The following FAM120C variants were observed in gnomAD, a reference collection of about 807,000 sequenced individuals.
FAM120C encodes constitutive coactivator of PPAR-gamma-like protein 2.
A neutral mutation model predicts 71.2 loss-of-function variants in FAM120C; 14 were observed. The ratio of observed to expected loss-of-function variants is 0.20; its 90% CI spans 0.13 to 0.31. FAM120C has a LOEUF of 0.31. Among genes scored for constraint, FAM120C ranks in the 10% least tolerant of loss-of-function variants. The pLI is 1.00. For missense variants in FAM120C, 500 were observed against 879.0 expected, an observed-to-expected ratio of 0.57 and a Z score of 5.45; for synonymous variants, 354 against 353.2, an observed-to-expected ratio of 1.00 and a Z score of -0.03.
intron 1 of FAM120C, among the ~76,000 whole-genome samples, chrX:54,178,672 CA>C (rs2067331295): frequency 9.0e-6 from 1 of 111,395 alleles, no homozygotes; most frequent in Non-Finnish European, 1.9e-5. Context: ...GATTATTTTC[CA>C]ACGACTAGAG....
chrX:54,125,645 A>G (rs1490602434), intron 9 of FAM120C, among the ~76,000 whole-genome samples: 1 of 112,989 alleles, frequency 8.9e-6, no homozygotes, highest in African/African-American at 3.2e-5. Context: ...AAGTCTTACA[A>G]TCAGGTTCAG....
At chrX:54,171,535 CTTTT>C (rs782050649) in intron 1 of FAM120C, 16 of 111,282 alleles carry the variant, frequency 1.4e-4, no homozygotes, top group African/African-American at 2.0e-4. Flanking sequence ...TATCATTACA[CTTTT>C]TTTTTGTTTG....
At position 54,132,868 on chromosome X, in the gene FAM120C, C is replaced by A; in HGVS notation, c.1891-5G>T. 8.5e-7 allele frequency: 1 copy of A among 1,179,432 alleles called. No individual in the cohort carries two copies. The highest frequency in any genetic ancestry group is 1.1e-6 in the Non-Finnish European group (1 of 881,131). On this transcript the variant is annotated splice_region_variant and splice_polypyrimidine_tract_variant and intron_variant, in intron 8 of 15. Transcript: ENST00000375180. ...TACGGGGATCTTAATTTCACCCTAA[C>A]AAGAGAACATTCCAGGGAAAAGGAA...
At chrX:54,147,187 C>T (rs2146624423) in intron 4 of FAM120C, among the ~76,000 whole-genome samples, 1 of 110,355 alleles carries the variant, frequency 9.1e-6, no homozygotes, top group Non-Finnish European at 1.9e-5. Flanking sequence ...TGTGGGGGCG[C>T]GTGCCTGTAA....
At position 54,135,545 on chromosome X, in the gene FAM120C, A is replaced by G; in HGVS notation, c.1318T>C (p.Ser440Pro). 1 of 1,210,381 alleles carries G rather than the reference A, an allele frequency of 8.3e-7. No individual in the cohort carries two copies. The highest frequency in any genetic ancestry group is 1.1e-6 in the Non-Finnish European group (1 of 894,670). Residue 440 changes from serine (S) to proline (P), a missense_variant, in exon 6 of 16, where the codon TCT (serine) becomes CCT (proline). Ser to Pro is a moderately conservative substitution (Grantham distance 74). This residue lies in a region of FAM120C where 55 missense variants were observed against 96.7 expected (regional missense o/e 0.57). Transcript: ENST00000375180. ...PLPRNQVGTI[S>P]AGKPMFSHQV... ...ATGCTTACCATTGGCTTTCCAGCAG[A>G]AATGGTGCCCACTTGATTTCGTGGA...
intron 1 of FAM120C, 135 bp downstream of exon 1, chrX:54,182,364 GT>G: frequency 1.4e-6 from 1 of 728,384 alleles, no homozygotes; most frequent in Non-Finnish European, 2.0e-6. Context: ...AGTTAGGCAG[GT>G]AGGTTAGCTG....
In FAM120C at chrX:54,116,534, A is replaced by T; in HGVS notation, c.2312+11T>A. On this transcript the variant is annotated intron_variant, in intron 10 of 15. Coordinates refer to ENST00000375180, the MANE Select transcript of FAM120C (RefSeq NM_017848.6). ...AGAAAGAACAGGCCACCTGCCTGTC[A>T]GGTAGCTTACCGGAGTACACAACAC... 1.1e-5 allele frequency: 13 copies of T among 1,201,130 alleles called. No individual in the cohort carries two copies. The highest frequency in any genetic ancestry group is 1.5e-5 in the Non-Finnish European group (13 of 888,529).
chrX:54,094,349 G>A lies in FAM120C; in HGVS notation c.2313-2923C>T, dbSNP rs782061369. On this transcript the variant is annotated intron_variant, in intron 10 of 15. Coordinates refer to ENST00000375180, the MANE Select transcript of FAM120C (RefSeq NM_017848.6). ...CCTGACCTCGTGATCTGCCCGCCTCGGCCTCCCAAAGTGCTGGGATTACAG... is the reference window on the plus strand; with the variant it reads ...CCTGACCTCGTGATCTGCCCGCCTCAGCCTCCCAAAGTGCTGGGATTACAG... 5.1e-3 allele frequency among the ~76,000 whole-genome samples: 545 copies of A among 106,126 alleles called. 1 individual carries two copies. The highest frequency in any genetic ancestry group is 0.03 in the Middle Eastern group (6 of 200). The allele number at this position is 106,126 out of a possible 115,157, so 92.2% of individuals were successfully genotyped here. A position where few individuals can be genotyped will look rare whatever the true frequency, so the allele number is the denominator to read the frequency against.
intron 14 of FAM120C, among the ~76,000 whole-genome samples, chrX:54,080,586 G>A (rs782234635): frequency 3.2e-4 from 36 of 111,770 alleles, no homozygotes; most frequent in Middle Eastern, 4.7e-3. Context: ...TGGGCCGGGC[G>A]CGGTGGCTCA....
chrX:54,145,661 A>G (rs200407359), intron 4 of FAM120C, among the ~76,000 whole-genome samples: 1 of 111,892 alleles, frequency 8.9e-6, no homozygotes, highest in Non-Finnish European at 1.9e-5. Context: ...GAAACAACAG[A>G]TGCTGGAGAG....
intron 4 of FAM120C, among the ~76,000 whole-genome samples, chrX:54,137,269 T>G (rs782373722): frequency 1.8e-5 from 2 of 111,626 alleles, no homozygotes; most frequent in Non-Finnish European, 1.9e-5. Context: ...TTTTTATTTT[T>G]GCTCAGGCTG....
chrX:54,142,297 G>A (rs1028038240), intron 4 of FAM120C, among the ~76,000 whole-genome samples: 6 of 112,162 alleles, frequency 5.3e-5, no homozygotes, highest in Admixed American at 2.8e-4. Context: ...CCTGGGAAGC[G>A]CAAGGGGTCG....
rs1337294613 is a variant in FAM120C, at chrX:54,069,648, A to C, written c.*3385T>G. On this transcript the variant is annotated 3_prime_UTR_variant, in exon 16 of 16. Coordinates refer to ENST00000375180, the MANE Select transcript of FAM120C (RefSeq NM_017848.6). ...GACTGTTTTTCTCAGTGATCAAAAA[A>C]AGTTAATGTGACTTGGCCAATGATG... The C allele has an allele frequency of 9.0e-6, 1 of 111,573 alleles. No homozygotes were observed. Among genetic ancestry groups the C allele is most frequent in the Non-Finnish European group, 1.9e-5 (1 of 53,140 alleles). 9.2% of individuals were successfully genotyped at this position (111,573 alleles called of 1,213,427 possible).
At position 54,183,046 on chromosome X, in the gene FAM120C, G is replaced by A. The variant is rs782138480; in HGVS notation, c.153C>T (p.Pro51=). ...RQLPPTAALA[P]GAPRAARGSV... ...AGCCCCTGGCGGCGCGTGGAGCCCC[G>A]GGCGCTAGGGCTGCAGTCGGCGGCA... The change falls in exon 1 of 16, where the codon CCC becomes CCT. Residue 51 remains proline, a synonymous_variant. Coordinates refer to ENST00000375180, the MANE Select transcript of FAM120C (RefSeq NM_017848.6). The A allele has an allele frequency of 1.7e-6, 2 of 1,157,018 alleles. No individual in the cohort carries two copies. Among genetic ancestry groups the A allele is most frequent in the South Asian group, 1.9e-5 (1 of 52,387 alleles).
intron 1 of FAM120C, among the ~76,000 whole-genome samples, chrX:54,177,085 C>G (rs1018521514): frequency 4.6e-4 from 51 of 111,133 alleles, no homozygotes; most frequent in African/African-American, 1.5e-3. Context: ...GTCTAGGAAA[C>G]TAAGAAAATA....
chrX:54,101,635 G>A (rs2066882787), intron 10 of FAM120C, among the ~76,000 whole-genome samples: 1 of 111,852 alleles, frequency 8.9e-6, no homozygotes, highest in African/African-American at 3.2e-5. Flanking sequence ...AATTTCTTCT[G>A]CCAGATACCC....
chrX:54,174,760 A>G (rs2067307409), intron 1 of FAM120C, among the ~76,000 whole-genome samples: 1 of 112,244 alleles, frequency 8.9e-6, no homozygotes, highest in Non-Finnish European at 1.9e-5. Flanking sequence ...TTTCAAAAAG[A>G]AAAGGAAAAA....
At chrX:54,106,667 A>T (rs1208669565) in intron 10 of FAM120C, among the ~76,000 whole-genome samples, 10 of 112,153 alleles carry the variant, frequency 8.9e-5, no homozygotes, top group Non-Finnish European at 3.8e-5. Context: ...CATCTAACAA[A>T]GGGCTAATAT....
At position 54,072,067 on chromosome X, in the gene FAM120C, C is replaced by T. The variant is rs1437822015; in HGVS notation, c.*966G>A. The T allele has an allele frequency of 9.6e-6, 1 of 104,081 alleles. No homozygotes were observed. The highest frequency in any genetic ancestry group is 3.1e-4 in the East Asian group (1 of 3,274). 8.6% of individuals were successfully genotyped at this position (104,081 alleles called of 1,213,427 possible). Reference sequence around the variant, plus strand: ...TATGTATAGATAAATAGATCTGTCTCTTTATATAAAGGGTATGTGTATGCA... The same window carrying T: ...TATGTATAGATAAATAGATCTGTCTTTTTATATAAAGGGTATGTGTATGCA... On this transcript the variant is annotated 3_prime_UTR_variant, in exon 16 of 16. Transcript: ENST00000375180.
Sources: allele counts gnomAD v4.1 joint callset (sites outside exome capture counted in the v4.1 genomes callset), GRCh38; gene constraint gnomAD v4.1.1; regional missense constraint gnomAD v4.1.1; transcripts MANE v1.5; gene names NCBI Gene and HGNC (gene_info 2026-07-23, HGNC 2026-07-21).